DNAH9: variants seen among roughly 807,000 people sequenced by gnomAD.
DNAH9 encodes dynein axonemal heavy chain 9.
In DNAH9, 345 loss-of-function variants were observed where a neutral mutation model predicts 471.6. That is an observed-to-expected ratio of 0.73 (90% CI 0.67 to 0.80). The LOEUF is 0.80. Among genes scored for constraint, DNAH9 ranks in the 30% least tolerant of loss-of-function variants. DNAH9 has a pLI of 0.00. For missense variants in DNAH9, 5,407 were observed against 5,609.2 expected, an observed-to-expected ratio of 0.96 and a Z score of 1.15; for synonymous variants, 2,093 against 2,123.6, an observed-to-expected ratio of 0.99 and a Z score of 0.40.
At position 11,678,246 on chromosome 17, in the gene DNAH9, C is replaced by A. The variant is rs1331101671; in HGVS notation, c.3354-1511C>A. Among the ~76,000 whole-genome samples the A allele has an allele frequency of 2.0e-5, 3 of 151,956 alleles. No individual in the cohort carries two copies. In the East Asian group the frequency reaches 5.8e-4, roughly 29 times the overall value. On this transcript the variant is annotated intron_variant, in intron 17 of 68. Coordinates refer to ENST00000262442, the MANE Select transcript of DNAH9 (RefSeq NM_001372.4). ...CTAGTTTTTGTATTTTTAGTAGAGA[C>A]AGGGTTTCATCATGTTGACCAGGCT...
At chr17:11,879,812 C>T (rs560975127) in intron 53 of DNAH9, among the ~76,000 whole-genome samples, 71 of 152,066 alleles carry the variant, frequency 4.7e-4, no homozygotes, top group Admixed American at 3.9e-4. Context: ...TTCAAATATA[C>T]GTAGTATACA....
chr17:11,791,760 T>A (rs1329714700), intron 41 of DNAH9, among the ~76,000 whole-genome samples: 2 of 152,056 alleles, frequency 1.3e-5, no homozygotes, highest in African/African-American at 4.8e-5. Context: ...TCTTCTATAA[T>A]CGAGACGTAT....
At position 11,830,370 on chromosome 17, in the gene DNAH9, C is replaced by T. The variant is rs139676616; in HGVS notation, c.9247-4268C>T. On this transcript the variant is annotated intron_variant, in intron 48 of 68. Coordinates refer to ENST00000262442, the MANE Select transcript of DNAH9 (RefSeq NM_001372.4). The stretch of plus-strand genomic sequence containing the variant: ...AAATGTTTATAAAAGACCTCAAGGC[C>T]ATTGCCAATTGCCTGCATATAGGAC... Among the ~76,000 whole-genome samples, 4 of 152,312 alleles carry T rather than the reference C, an allele frequency of 2.6e-5. No individual in the cohort carries two copies. The East Asian group carries it at 7.7e-4, about 29-fold the overall frequency.
Position 11,756,636 on chromosome 17 carries a change from C to T in DNAH9, c.6807C>T (p.Ser2269=), listed in dbSNP as rs748809844. Reference sequence around the variant, plus strand: ...CCATGAAGCTCCTCTTTGAGATCAGCCACCTGCGCACAGCCACTCCAGCAA... The same window carrying T: ...CCATGAAGCTCCTCTTTGAGATCAGTCACCTGCGCACAGCCACTCCAGCAA... ...NPTMKLLFEI[S]HLRTATPATV... is the part of the protein sequence containing the mutation. Residue 2269 remains serine, a synonymous_variant, in exon 34 of 69, where the codon AGC becomes AGT. Transcript: ENST00000262442. 10 of 1,613,502 alleles carry T rather than the reference C, an allele frequency of 6.2e-6. No individual in the cohort carries two copies. The highest frequency in any genetic ancestry group is 1.7e-6 in the Non-Finnish European group (2 of 1,179,578).
At chr17:11,928,346 A>AT (rs1168092912) in intron 62 of DNAH9, among the ~76,000 whole-genome samples, 1 of 152,164 alleles carries the variant, frequency 6.6e-6, no homozygotes, top group Non-Finnish European at 1.5e-5. Context: ...CGTTATTGTT[A>AT]TTTCTCTTCT....
intron 55 of DNAH9, chr17:11,883,074 A>T (rs151021694): frequency 2.4e-5 from 24 of 987,434 alleles, no homozygotes; most frequent in Non-Finnish European, 2.8e-5. Flanking sequence ...CCACTTGGAT[A>T]CCAGCACCCC....
In DNAH9 at chr17:11,932,134, T is replaced by A; in HGVS notation, c.12226T>A (p.Tyr4076Asn). ...TGGGCCCCAGGGATGGAATCGCTCATACCCCTTTAACACTGGAGACCTCAC... is the reference window on the plus strand; with the variant it reads ...TGGGCCCCAGGGATGGAATCGCTCAAACCCCTTTAACACTGGAGACCTCAC... ...KFGPQGWNRS[Y>N]PFNTGDLTIS... The change falls in exon 64 of 69, where the codon TAC (tyrosine) becomes AAC (asparagine). Residue 4076 changes from tyrosine (Y) to asparagine (N), a missense_variant. Around this residue, in one of 3 missense-constraint regions of DNAH9, gnomAD observed 4,636 missense variants for 4,900.3 expected, o/e 0.95. Transcript: ENST00000262442. This position sits in a 1 kb window ranked among gnomAD's most constrained non-coding sequence, Gnocchi z 4.3. 1 of 1,614,156 alleles carries A rather than the reference T, an allele frequency of 6.2e-7. No homozygotes were observed. Among genetic ancestry groups the A allele is most frequent in the Non-Finnish European group, 8.5e-7 (1 of 1,180,038 alleles).
intron 67 of DNAH9, among the ~76,000 whole-genome samples, chr17:11,947,208 C>T (rs1199916711): frequency 1.3e-5 from 2 of 152,182 alleles, no homozygotes; most frequent in Non-Finnish European, 2.9e-5. Flanking sequence ...TGTGATTATC[C>T]CAGAGCTGAC....
chr17:11,705,155 C>T lies in DNAH9; in HGVS notation c.5522C>T (p.Pro1841Leu). Residue 1841 changes from proline to leucine, a missense_variant, in exon 26 of 69, where the codon CCT (proline) becomes CTT (leucine). Pro to Leu is a moderately conservative substitution (Grantham distance 98). This residue lies in a region of DNAH9 where 4,636 missense variants were observed against 4,900.3 expected (regional missense o/e 0.95). Transcript: ENST00000262442. ...TCCTATGAGTACCTGGGAAACACAC[C>T]TCGCTTGGTGATCACACCTTTGACT... ...LYSYEYLGNT[P>L]RLVITPLTDR... 6.2e-7 allele frequency: 1 copy of T among 1,614,156 alleles called. No homozygotes were observed. The highest frequency in any genetic ancestry group is 1.1e-5 in the South Asian group (1 of 91,090).
intron 19 of DNAH9, among the ~76,000 whole-genome samples, chr17:11,686,256 G>T (rs1361222369): frequency 6.6e-6 from 1 of 152,082 alleles, no homozygotes; most frequent in Non-Finnish European, 1.5e-5. Context: ...TCTGGGTCAG[G>T]CCTGAATCAG....
chr17:11,753,438 G>A (rs1356595663), intron 33 of DNAH9, among the ~76,000 whole-genome samples: 2 of 152,114 alleles, frequency 1.3e-5, no homozygotes, highest in Non-Finnish European at 1.5e-5. Context: ...GCCAAGGCGG[G>A]CAGATCACCT....
At chr17:11,948,227 T>C (rs2151438168) in intron 67 of DNAH9, among the ~76,000 whole-genome samples, 1 of 136,258 alleles carries the variant, frequency 7.3e-6, no homozygotes, top group South Asian at 2.5e-4. Context: ...TCTGGCTCTT[T>C]TTTTTTTTTT....
At chr17:11,773,186 G>A (rs1177852979) in intron 38 of DNAH9, among the ~76,000 whole-genome samples, 8 of 152,186 alleles carry the variant, frequency 5.3e-5, no homozygotes, top group Non-Finnish European at 1.0e-4. Context: ...AACTCATTTT[G>A]CAGCCCAGTG....
chr17:11,703,899 A>G (rs1435750050), intron 24 of DNAH9, among the ~76,000 whole-genome samples: 2 of 152,162 alleles, frequency 1.3e-5, no homozygotes, highest in East Asian at 3.9e-4. Flanking sequence ...GAAGTAAAAG[A>G]CTGATTCATC....
intron 8 of DNAH9, among the ~76,000 whole-genome samples, chr17:11,635,659 T>A (rs2073149140): frequency 6.6e-6 from 1 of 152,102 alleles, no homozygotes; most frequent in Non-Finnish European, 1.5e-5. Flanking sequence ...ATCCTAAATA[T>A]AACTGGAGTC....
Position 11,945,968 on chromosome 17 carries a change from G to A in DNAH9, c.12843+3483G>A, listed in dbSNP as rs9909631. On this transcript the variant is annotated intron_variant, in intron 67 of 68. Transcript: ENST00000262442. ...AGTCTCAGCACTTTGGGAGGCCGAG[G>A]TGGGCGGATCAGTTGAGGTCAGGAG... Among the ~76,000 whole-genome samples, 321 of 152,176 alleles carry A rather than the reference G, an allele frequency of 2.1e-3. 2 individuals are homozygous for A. Among genetic ancestry groups the A allele is most frequent in the African/African-American group, 7.2e-3 (298 of 41,520 alleles).
chr17:11,891,204 AGGAGG>A (rs1973039128), intron 57 of DNAH9, among the ~76,000 whole-genome samples: 1 of 152,336 alleles, frequency 6.6e-6, no homozygotes, highest in East Asian at 1.9e-4. Context: ...TCCATGAGAA[AGGAGG>A]CTGCTTGCAA....
chr17:11,750,664 G>A (rs1967107924), intron 32 of DNAH9, among the ~76,000 whole-genome samples: 1 of 152,064 alleles, frequency 6.6e-6, no homozygotes, highest in South Asian at 2.1e-4. Flanking sequence ...ATCAAGAAAT[G>A]CTCTCTTAAT....
intron 28 of DNAH9, among the ~76,000 whole-genome samples, chr17:11,729,252 C>T (rs1326771612): frequency 6.6e-6 from 1 of 152,114 alleles, no homozygotes. Context: ...TAAAGCACAT[C>T]GTTTGCCAGC....
Sources: gnomAD v4.1 joint callset for allele counts (sites outside exome capture counted in the v4.1 genomes callset) on GRCh38, gnomAD v4.1.1 for gene constraint, gnomAD v4.1.1 regional missense constraint, Gnocchi (gnomAD v3.1) non-coding constraint, MANE v1.5 for transcripts, NCBI Gene and HGNC (gene_info 2026-07-23, HGNC 2026-07-21) for gene names.